ZNF804A: variants seen among roughly 807,000 people sequenced by gnomAD.
The protein encoded by ZNF804A is zinc finger protein 804A.
ZNF804A carries 2 observed loss-of-function variants against 16.5 expected under a neutral mutation model. The ratio of observed to expected loss-of-function variants is 0.12; its 90% CI spans 0.05 to 0.38. The LOEUF is 0.38. Among genes scored for constraint, ZNF804A ranks in the 10% least tolerant of loss-of-function variants. The pLI, the probability that ZNF804A is intolerant of heterozygous loss-of-function variation, is 0.99. For missense variants in ZNF804A, 1,473 were observed against 1,390.7 expected, an observed-to-expected ratio of 1.06 and a Z score of -0.94; for synonymous variants, 534 against 489.6, an observed-to-expected ratio of 1.09 and a Z score of -1.20.
intron 1 of ZNF804A, among the ~76,000 whole-genome samples, chr2:184,632,857 GA>G (rs1216851232): frequency 6.6e-6 from 1 of 152,152 alleles, no homozygotes; most frequent in African/African-American, 2.4e-5. Flanking sequence ...GTCATATATA[GA>G]AGGTTATCAG....
chr2:184,848,324 A>T (rs987153233), intron 1 of ZNF804A, among the ~76,000 whole-genome samples: 2 of 152,020 alleles, frequency 1.3e-5, no homozygotes, highest in Admixed American at 6.6e-5. Context: ...CAATATGATA[A>T]CCACTTTTTC....
intron 1 of ZNF804A, among the ~76,000 whole-genome samples, chr2:184,829,924 A>C (rs1197463415): frequency 5.9e-5 from 5 of 84,248 alleles, no homozygotes; most frequent in Middle Eastern, 5.7e-3. Flanking sequence ...AAAAAAAAAC[A>C]AAAACAAAAA....
At chr2:184,618,853 C>T (rs1313198511) in intron 1 of ZNF804A, among the ~76,000 whole-genome samples, 1 of 152,050 alleles carries the variant, frequency 6.6e-6, no homozygotes, top group Non-Finnish European at 1.5e-5. Context: ...AATCACTGGG[C>T]TTTGCAGTAC....
rs553735417 is a variant in ZNF804A, at chr2:184,805,425, A to C, written c.112-60944A>C. On this transcript the variant is annotated intron_variant, in intron 1 of 3. Coordinates refer to ENST00000302277, the MANE Select transcript of ZNF804A (RefSeq NM_194250.2). ...TTTATGTCTAGAGATGTAGTTTTGG[A>C]ATATGCTTGTTAAATGAATGTTACT... is the stretch of plus-strand genomic sequence containing the variant. Among the ~76,000 whole-genome samples, 161 of 152,156 alleles carry C rather than the reference A, an allele frequency of 1.1e-3. 1 individual carries two copies. Among genetic ancestry groups the C allele is most frequent in the South Asian group, 3.9e-3 (19 of 4,822 alleles).
At chr2:184,713,229 T>C (rs1288546725) in intron 1 of ZNF804A, among the ~76,000 whole-genome samples, 5 of 151,890 alleles carry the variant, frequency 3.3e-5, no homozygotes, top group Non-Finnish European at 7.4e-5. Flanking sequence ...GTGACAAAGA[T>C]GGCTATTTTT....
intron 1 of ZNF804A, among the ~76,000 whole-genome samples, chr2:184,617,945 G>A (rs1385874912): frequency 6.6e-6 from 1 of 151,906 alleles, no homozygotes; most frequent in Non-Finnish European, 1.5e-5. Context: ...AAAACTTAGT[G>A]TTTAGAGGTT....
At chr2:184,916,795 C>T (rs1245426921) in intron 2 of ZNF804A, among the ~76,000 whole-genome samples, 1 of 151,994 alleles carries the variant, frequency 6.6e-6, no homozygotes, top group Non-Finnish European at 1.5e-5. Flanking sequence ...CTCCAATGAG[C>T]TGAGATTACA....
intron 1 of ZNF804A, among the ~76,000 whole-genome samples, chr2:184,611,138 A>T (rs1319293759): frequency 6.6e-6 from 1 of 152,144 alleles, no homozygotes; most frequent in Admixed American, 6.5e-5. Context: ...ATATGGGGGA[A>T]GTGGGCAAAA....
At chr2:184,673,746 G>A (rs909827357) in intron 1 of ZNF804A, among the ~76,000 whole-genome samples, 4 of 152,034 alleles carry the variant, frequency 2.6e-5, no homozygotes, top group Non-Finnish European at 4.4e-5. Context: ...AAAGAAAAAC[G>A]GGCAAAGGGA....
At chr2:184,736,940 G>A (rs971763570) in intron 1 of ZNF804A, among the ~76,000 whole-genome samples, 9 of 147,000 alleles carry the variant, frequency 6.1e-5, no homozygotes, top group African/African-American at 2.3e-4. Context: ...GAACATTCTT[G>A]TGTTTTTTCT....
chr2:184,732,313 T>A (rs72901831), intron 1 of ZNF804A, among the ~76,000 whole-genome samples: 7,868 of 152,218 alleles, frequency 0.052, 261 homozygotes, highest in Middle Eastern at 0.079. Context: ...ATACTCTTCT[T>A]TGCCATTGTA....
At chr2:184,819,657 A>G (rs1416164876) in intron 1 of ZNF804A, among the ~76,000 whole-genome samples, 1 of 151,764 alleles carries the variant, frequency 6.6e-6, no homozygotes, top group Non-Finnish European at 1.5e-5. Context: ...AAAATTTAAT[A>G]AAATAGACTG....
intron 2 of ZNF804A, among the ~76,000 whole-genome samples, chr2:184,904,870 T>C (rs1194576326): frequency 6.6e-6 from 1 of 152,084 alleles, no homozygotes; most frequent in Non-Finnish European, 1.5e-5. Context: ...TTCTTCTGTC[T>C]CTATGGATTC....
At chr2:184,608,538 T>G (rs750091038) in intron 1 of ZNF804A, among the ~76,000 whole-genome samples, 23 of 152,184 alleles carry the variant, frequency 1.5e-4, no homozygotes, top group Non-Finnish European at 3.4e-4. Flanking sequence ...CAAATGTGAT[T>G]GTGGAGTGGA....
At chr2:184,680,992 G>C (rs1692529697) in intron 1 of ZNF804A, among the ~76,000 whole-genome samples, 2 of 152,240 alleles carry the variant, frequency 1.3e-5, no homozygotes, top group African/African-American at 4.8e-5. Context: ...GCCTGCACCT[G>C]TGCTGGCACC....
intron 1 of ZNF804A, among the ~76,000 whole-genome samples, chr2:184,625,901 T>C (rs1691487764): frequency 6.6e-6 from 1 of 152,134 alleles, no homozygotes. Flanking sequence ...CGGAGTCTCG[T>C]GCTGTCGCCC....
chr2:184,848,469 A>T (rs905262757), intron 1 of ZNF804A, among the ~76,000 whole-genome samples: 1 of 152,086 alleles, frequency 6.6e-6, no homozygotes, highest in African/African-American at 2.4e-5. Context: ...TATAAGAGGG[A>T]AATAAAACAA....
chr2:184,632,992 C>A (rs924402541), intron 1 of ZNF804A, among the ~76,000 whole-genome samples: 4 of 152,138 alleles, frequency 2.6e-5, no homozygotes, highest in African/African-American at 9.7e-5. Flanking sequence ...CGAAGTTTGA[C>A]CTTTTCTACC....
At chr2:184,703,813 T>G (rs935258710) in intron 1 of ZNF804A, among the ~76,000 whole-genome samples, 1 of 151,876 alleles carries the variant, frequency 6.6e-6, no homozygotes, top group African/African-American at 2.4e-5. Flanking sequence ...ATGAGGCACA[T>G]TTAACTTATA....
Sources: allele counts gnomAD v4.1 joint callset (sites outside exome capture counted in the v4.1 genomes callset), GRCh38; gene constraint gnomAD v4.1.1; transcripts MANE v1.5; gene names NCBI Gene and HGNC (gene_info 2026-07-23, HGNC 2026-07-21).